GRM5: variants seen among roughly 807,000 people sequenced by gnomAD.
The protein encoded by GRM5 is metabotropic glutamate receptor 5.
Under a neutral mutation model 83.1 loss-of-function variants are expected in GRM5, and 19 were observed. That is an observed-to-expected ratio of 0.23 (90% CI 0.16 to 0.34). The LOEUF is 0.34. GRM5 is among the 10% of genes least tolerant of loss of function. The pLI, the probability that GRM5 is intolerant of heterozygous loss-of-function variation, is 1.00. For synonymous variants in GRM5, 675 were observed against 633.6 expected (o/e 1.07, Z -0.98); for missense variants, 1,160 against 1,588.3 (o/e 0.73, Z 4.58).
chr11:88,583,918 A>T (rs1943261522), intron 7 of GRM5, among the ~76,000 whole-genome samples: 1 of 152,114 alleles, frequency 6.6e-6, no homozygotes, highest in Non-Finnish European at 1.5e-5. Context: ...TTTAATTCCT[A>T]ATCAAATCTT....
intron 2 of GRM5, among the ~76,000 whole-genome samples, chr11:88,987,972 T>C (rs368653992): frequency 0.016 from 2,467 of 150,840 alleles, 55 homozygotes; most frequent in African/African-American, 0.051. Flanking sequence ...TCCAAAGGAA[T>C]GCAGTTCCTC....
At chr11:88,819,345 GC>G (rs1943746279) in intron 3 of GRM5, among the ~76,000 whole-genome samples, 1 of 152,134 alleles carries the variant, frequency 6.6e-6, no homozygotes, top group Non-Finnish European at 1.5e-5. Flanking sequence ...TCTAGATTGT[GC>G]AGTAGATATG....
chr11:88,811,378 G>A lies in GRM5; in HGVS notation c.911+38528C>T, dbSNP rs1356331693. Among the ~76,000 whole-genome samples the A allele has an allele frequency of 2.0e-5, 3 of 152,216 alleles. No homozygotes were observed. In the East Asian group the frequency reaches 5.8e-4, roughly 29 times the overall value. On this transcript the variant is annotated intron_variant, in intron 3 of 9. Transcript: ENST00000305447. Reference sequence around the variant, plus strand: ...CAAGGACTTTGGGAATCTGAACCAGGAAACAGAAACTCAGTTTGAATATTT... The same window carrying A: ...CAAGGACTTTGGGAATCTGAACCAGAAAACAGAAACTCAGTTTGAATATTT...
chr11:88,624,496 T>A (rs1284671686), intron 4 of GRM5, among the ~76,000 whole-genome samples: 1 of 152,098 alleles, frequency 6.6e-6, no homozygotes, highest in Non-Finnish European at 1.5e-5. Context: ...GAAGGAACAA[T>A]GACAAGAGGG....
chr11:88,839,026 C>T (rs1334582083), intron 3 of GRM5, among the ~76,000 whole-genome samples: 5 of 152,080 alleles, frequency 3.3e-5, no homozygotes, highest in Admixed American at 6.5e-5. Flanking sequence ...AATTTCTGTT[C>T]TAGTTCTGTA....
At chr11:88,769,593 C>T (rs1021170067) in intron 3 of GRM5, among the ~76,000 whole-genome samples, 1 of 151,918 alleles carries the variant, frequency 6.6e-6, no homozygotes, top group Non-Finnish European at 1.5e-5. Flanking sequence ...GCAACAATAA[C>T]AGCAACAGCA....
chr11:89,027,233 C>T (rs578184416), intron 2 of GRM5, among the ~76,000 whole-genome samples: 86 of 152,094 alleles, frequency 5.7e-4, no homozygotes, highest in Non-Finnish European at 1.6e-4. Context: ...GTAACTGGGA[C>T]TACAGGTGCA....
At chr11:88,848,590 A>C (rs1445766625) in intron 3 of GRM5, among the ~76,000 whole-genome samples, 1 of 152,216 alleles carries the variant, frequency 6.6e-6, no homozygotes, top group Non-Finnish European at 1.5e-5. Context: ...TATGGTACAT[A>C]ATGTTTTAAA....
At chr11:88,937,843 CAGG>C (rs1386821873) in intron 2 of GRM5, among the ~76,000 whole-genome samples, 10 of 151,740 alleles carry the variant, frequency 6.6e-5, no homozygotes, top group Admixed American at 2.0e-4. Context: ...TGTGGGCAAA[CAGG>C]AGAAGTAATG....
intron 3 of GRM5, among the ~76,000 whole-genome samples, chr11:88,678,439 T>C (rs751668668): frequency 5.9e-5 from 9 of 152,136 alleles, no homozygotes; most frequent in Non-Finnish European, 1.2e-4. Flanking sequence ...TCTACATAAT[T>C]ACTTCTTTCA....
At chr11:88,536,898 G>T (rs993319743) in intron 8 of GRM5, among the ~76,000 whole-genome samples, 3 of 152,062 alleles carry the variant, frequency 2.0e-5, no homozygotes, top group African/African-American at 7.2e-5. Flanking sequence ...CATTATTATA[G>T]AAAAACTTTC....
intron 3 of GRM5, among the ~76,000 whole-genome samples, chr11:88,673,959 A>G (rs1940257489): frequency 6.6e-6 from 1 of 151,810 alleles, no homozygotes; most frequent in African/African-American, 2.4e-5. Flanking sequence ...TTGTGTTTGG[A>G]ACAAGCAGAT....
intron 3 of GRM5, among the ~76,000 whole-genome samples, chr11:88,792,322 A>G (rs1299880278): frequency 6.6e-6 from 1 of 152,104 alleles, no homozygotes; most frequent in African/African-American, 2.4e-5. Flanking sequence ...GGAACTTAGG[A>G]CATTTATTCT....
Position 88,508,544 on chromosome 11 carries a change from G to T in GRM5, c.*48C>A, listed in dbSNP as rs772359822. 6 of 1,486,766 alleles carry T rather than the reference G, an allele frequency of 4.0e-6. No homozygotes were observed. Among genetic ancestry groups the T allele is most frequent in the Non-Finnish European group, 4.7e-6 (5 of 1,074,400 alleles). The allele number at this position is 1,486,766 out of a possible 1,614,324, so 92.1% of individuals were successfully genotyped here. On this transcript the variant is annotated 3_prime_UTR_variant, in exon 10 of 10. Coordinates refer to ENST00000305447, the MANE Select transcript of GRM5 (RefSeq NM_001143831.3). This position sits in a 1 kb window ranked among gnomAD's most constrained non-coding sequence, Gnocchi z 4.2. The stretch of plus-strand genomic sequence containing the variant: ...CTTGCCATTGTGTGTGTGTGAACAC[G>T]GGGGGCTCCGCTCCGCACGCGCAGG...
At position 88,508,937 on chromosome 11, in the gene GRM5, C is replaced by G; in HGVS notation, c.3294G>C (p.Leu1098=). The G allele has an allele frequency of 7.5e-6, 12 of 1,599,282 alleles. No homozygotes were observed. Among genetic ancestry groups the G allele is most frequent in the Non-Finnish European group, 1.0e-5 (12 of 1,173,358 alleles). ...GVGAPLCSSY[L]IPKEIQLPTT... ...TGGGCAACTGGATCTCTTTGGGGAT[C>G]AGGTAGGACGAGCAGAGCGGGGCGC... The change falls in exon 10 of 10, where the codon CTG becomes CTC. Residue 1098 remains leucine (L), a synonymous_variant. Transcript: ENST00000305447. This position sits in a 1 kb window ranked among gnomAD's most constrained non-coding sequence, Gnocchi z 4.2.
chr11:88,884,233 T>C (rs527908435), intron 2 of GRM5, among the ~76,000 whole-genome samples: 13 of 152,320 alleles, frequency 8.5e-5, no homozygotes, highest in South Asian at 2.1e-4. Flanking sequence ...ACCTCTTGCA[T>C]CAGCATGACT....
rs574306073 is a variant in GRM5 at position 88,651,100 on chromosome 11, G to C, written c.1147+2068C>G. ...AGATCACACCAAGGTGCTCACATGA[G>C]AGATAGAGAGCTACAGCAGCAAGGT... On this transcript the variant is annotated intron_variant, in intron 4 of 9. Coordinates refer to ENST00000305447, the MANE Select transcript of GRM5 (RefSeq NM_001143831.3). Among the ~76,000 whole-genome samples, 5 of 152,108 alleles carry C rather than the reference G, an allele frequency of 3.3e-5. No homozygotes were observed. In the South Asian group the frequency reaches 6.2e-4, roughly 19 times the overall value.
chr11:88,734,780 T>G (rs1315524591), intron 3 of GRM5, among the ~76,000 whole-genome samples: 1 of 152,038 alleles, frequency 6.6e-6, no homozygotes, highest in Non-Finnish European at 1.5e-5. Flanking sequence ...CAGTAAGTGC[T>G]AAACAAAGAC....
chr11:88,718,095 C>T (rs992966523), intron 3 of GRM5, among the ~76,000 whole-genome samples: 1 of 151,616 alleles, frequency 6.6e-6, no homozygotes, highest in Non-Finnish European at 1.5e-5. Flanking sequence ...GTAGTCTAGC[C>T]CCTGGCTACC....
Sources: allele counts gnomAD v4.1 joint callset (sites outside exome capture counted in the v4.1 genomes callset), GRCh38; gene constraint gnomAD v4.1.1; non-coding constraint Gnocchi (gnomAD v3.1); transcripts MANE v1.5; gene names NCBI Gene and HGNC (gene_info 2026-07-23, HGNC 2026-07-21).